The following SCARB1 variants were observed in gnomAD, a reference collection of about 807,000 sequenced individuals.
SCARB1 encodes the protein CD36 and LIMPII analogous 1.
In SCARB1, 30 loss-of-function variants were observed where a neutral mutation model predicts 57.2. That is an observed-to-expected ratio of 0.52 (90% CI 0.39 to 0.71). The LOEUF is 0.71. Among genes scored for constraint, SCARB1 ranks in the 30% least tolerant of loss-of-function variants. SCARB1 has a pLI of 0.00. For synonymous variants in SCARB1, 249 were observed against 268.3 expected (o/e 0.93, Z 0.70); for missense variants, 543 against 671.2 (o/e 0.81, Z 2.11).
chr12:124,809,638 TAAG>T (rs1950451826), intron 6 of SCARB1, among the ~76,000 whole-genome samples: 1 of 152,082 alleles, frequency 6.6e-6, no homozygotes, highest in Non-Finnish European at 1.5e-5. Context: ...GGAGGGCAGA[TAAG>T]TCAAGGTCCA....
intron 2 of SCARB1, among the ~76,000 whole-genome samples, chr12:124,816,308 C>T (rs975854831): frequency 6.6e-6 from 1 of 152,194 alleles, no homozygotes; most frequent in Non-Finnish European, 1.5e-5. Context: ...CTGCCTGCGC[C>T]CCCAGCACAC....
chr12:124,801,964 G>C (rs891751772), intron 7 of SCARB1, among the ~76,000 whole-genome samples: 1 of 151,704 alleles, frequency 6.6e-6, no homozygotes, highest in Non-Finnish European at 1.5e-5. Flanking sequence ...CAGCCTGACC[G>C]ATATGGAGAA....
At chr12:124,859,265 C>A (rs575460270) in intron 1 of SCARB1, among the ~76,000 whole-genome samples, 1 of 152,248 alleles carries the variant, frequency 6.6e-6, no homozygotes, top group East Asian at 1.9e-4. Context: ...TGGTGGCTCA[C>A]GCCTGTAATT....
At chr12:124,833,031 G>A (rs1056487278) in intron 1 of SCARB1, among the ~76,000 whole-genome samples, 2 of 151,640 alleles carry the variant, frequency 1.3e-5, no homozygotes, top group East Asian at 1.9e-4. Flanking sequence ...CTTCTAAGAG[G>A]CCTCCGCATT....
rs527449574 is a variant in SCARB1, at chr12:124,861,427, GAC to G, written c.126+2166_126+2167del. On this transcript the variant is annotated intron_variant, in intron 1 of 12. Coordinates refer to ENST00000261693, the MANE Select transcript of SCARB1 (RefSeq NM_005505.5). ...TGAATCCACGGATGCAGAACCTGCA[GAC>G]ACAGAGGGCCAACTGTAGGGACTTC... 3.7e-3 allele frequency among the ~76,000 whole-genome samples: 557 copies of G among 152,012 alleles called. 2 individuals are homozygous for G. The highest frequency in any genetic ancestry group is 0.013 in the African/African-American group (529 of 41,434).
chr12:124,863,460 C>CTG, intron 1 of SCARB1, 135 bp downstream of exon 1: 1 of 883,456 alleles, frequency 1.1e-6, no homozygotes, highest in South Asian at 1.8e-5. Context: ...TGGCCTCCCT[C>CTG]GTGCTCTGCG....
At position 124,838,262 on chromosome 12, in the gene SCARB1, G is replaced by A. The variant is rs139530550; in HGVS notation, c.127-20555C>T. On this transcript the variant is annotated intron_variant, in intron 1 of 12. Transcript: ENST00000261693. Reference sequence around the variant, plus strand: ...TGGCCATTAGGGAGAGGGCCAGGGCGCAGACCTAGTTCTGGCCTCGGCTCA... The same window carrying A: ...TGGCCATTAGGGAGAGGGCCAGGGCACAGACCTAGTTCTGGCCTCGGCTCA... Among the ~76,000 whole-genome samples the A allele has an allele frequency of 3.5e-3, 532 of 152,346 alleles. 3 individuals are homozygous for A. The highest frequency in any genetic ancestry group is 5.6e-3 in the Non-Finnish European group (380 of 68,038).
intron 1 of SCARB1, among the ~76,000 whole-genome samples, chr12:124,825,806 T>G (rs924349629): frequency 1.3e-5 from 2 of 152,208 alleles, no homozygotes; most frequent in Non-Finnish European, 2.9e-5. Flanking sequence ...GGACAAATAC[T>G]GCAGGACAAA....
rs563620898 is a variant in SCARB1, at chr12:124,820,482, T to C, written c.127-2775A>G. Among the ~76,000 whole-genome samples, 29 of 151,518 alleles carry C rather than the reference T, an allele frequency of 1.9e-4. No individual in the cohort carries two copies. In the East Asian group the frequency reaches 5.1e-3, roughly 27 times the overall value. ...CCCCATGGCGGCTCCCACCACCCCA[T>C]GCGACCACAGCCCACAGGCACCAGC... is the stretch of plus-strand genomic sequence containing the variant. On this transcript the variant is annotated intron_variant, in intron 1 of 12. Coordinates refer to ENST00000261693, the MANE Select transcript of SCARB1 (RefSeq NM_005505.5).
intron 1 of SCARB1, chr12:124,821,282 A>T: frequency 1.7e-6 from 1 of 599,822 alleles, no homozygotes; most frequent in Non-Finnish European, 2.1e-6. Flanking sequence ...GCACACACAC[A>T]CACGCAGCCT....
chr12:124,801,922 G>A (rs988754286), intron 7 of SCARB1, among the ~76,000 whole-genome samples: 1 of 151,864 alleles, frequency 6.6e-6, no homozygotes, highest in Non-Finnish European at 1.5e-5. Flanking sequence ...AGGCCGAGGC[G>A]GGTGGACCAG....
chr12:124,831,776 G>T (rs897945950), intron 1 of SCARB1, among the ~76,000 whole-genome samples: 5 of 152,204 alleles, frequency 3.3e-5, no homozygotes, highest in African/African-American at 1.2e-4. Flanking sequence ...GCAGGGACAG[G>T]TCATGTTGAC....
intron 10 of SCARB1, 88 bp downstream of exon 10, chr12:124,787,318 C>T: frequency 2.4e-6 from 3 of 1,259,958 alleles, no homozygotes; most frequent in Non-Finnish European, 3.4e-6. Context: ...CTCTCCCTTT[C>T]TACAAGCTGC....
chr12:124,863,410 G>A (rs1045468990), intron 1 of SCARB1, among the ~76,000 whole-genome samples, 185 bp downstream of exon 1: 5 of 152,298 alleles, frequency 3.3e-5, no homozygotes, highest in African/African-American at 1.2e-4. Flanking sequence ...GGGGCGGTGA[G>A]GGTGGTGGGG....
At chr12:124,834,909 C>G (rs77151276) in intron 1 of SCARB1, among the ~76,000 whole-genome samples, 1 of 151,706 alleles carries the variant, frequency 6.6e-6, no homozygotes, top group African/African-American at 2.4e-5. Flanking sequence ...CCCTGTCCAC[C>G]CCCCCAAAAA....
Position 124,789,424 on chromosome 12 carries a change from C to T in SCARB1, c.1203-1967G>A, listed in dbSNP as rs1201565638. 1.3e-5 allele frequency among the ~76,000 whole-genome samples: 2 copies of T among 152,150 alleles called. No individual in the cohort carries two copies. The highest frequency in any genetic ancestry group is 2.1e-4 in the South Asian group (1 of 4,824). On this transcript the variant is annotated intron_variant, in intron 9 of 12. Transcript: ENST00000261693. This position sits in a 1 kb window ranked among gnomAD's most constrained non-coding sequence, Gnocchi z 4.4. ...GCCTAAGGAGACCGGAAGACCAATG[C>T]GACACCTGGGAAACTGTGACCTGCC...
intron 1 of SCARB1, among the ~76,000 whole-genome samples, chr12:124,859,094 C>A (rs766704530): frequency 1.3e-5 from 2 of 152,122 alleles, no homozygotes; most frequent in Admixed American, 6.5e-5. Flanking sequence ...ATGTTGCCCA[C>A]GCTAGTCTTA....
chr12:124,836,411 A>G lies in SCARB1; in HGVS notation c.127-18704T>C, dbSNP rs548596084. On this transcript the variant is annotated intron_variant, in intron 1 of 12. Coordinates refer to ENST00000261693, the MANE Select transcript of SCARB1 (RefSeq NM_005505.5). Reference sequence around the variant, plus strand: ...TCTCTCAGGAAGCACAACAGTAAACATCTGCATTACAGAAGCCACTGGAGG... The same window carrying G: ...TCTCTCAGGAAGCACAACAGTAAACGTCTGCATTACAGAAGCCACTGGAGG... Among the ~76,000 whole-genome samples the G allele has an allele frequency of 3.3e-5, 5 of 152,348 alleles. No individual in the cohort carries two copies. The South Asian group carries it at 1.0e-3, about 32-fold the overall frequency.
chr12:124,851,078 AG>A (rs1250424682), intron 1 of SCARB1, among the ~76,000 whole-genome samples: 2 of 152,358 alleles, frequency 1.3e-5, no homozygotes, highest in South Asian at 4.1e-4. Context: ...ATCCCAGCTC[AG>A]CCAATCACAG....
Sources: allele counts gnomAD v4.1 joint callset (sites outside exome capture counted in the v4.1 genomes callset), GRCh38; gene constraint gnomAD v4.1.1; non-coding constraint Gnocchi (gnomAD v3.1); transcripts MANE v1.5; gene names NCBI Gene and HGNC (gene_info 2026-07-23, HGNC 2026-07-21).